SYNPR: variants seen among roughly 807,000 people sequenced by gnomAD.
SYNPR encodes the protein synaptoporin.
A neutral mutation model predicts 32.9 loss-of-function variants in SYNPR; 23 were observed. That is an observed-to-expected ratio of 0.70 (90% CI 0.50 to 0.99). The LOEUF is 0.99. SYNPR is among the 50% of genes least tolerant of loss of function. SYNPR has a pLI of 0.00. For synonymous variants in SYNPR, 146 were observed against 135.9 expected, an observed-to-expected ratio of 1.07 and a Z score of -0.52; for missense variants, 318 against 349.3, an observed-to-expected ratio of 0.91 and a Z score of 0.71.
At chr3:63,441,987 C>A (rs1286542771) in intron 2 of SYNPR, among the ~76,000 whole-genome samples, 6 of 152,196 alleles carry the variant, frequency 3.9e-5, no homozygotes, top group Non-Finnish European at 8.8e-5. Context: ...GGCCACATGA[C>A]TAGTAAGTGG....
At chr3:63,401,758 T>C (rs979240990) in intron 2 of SYNPR, among the ~76,000 whole-genome samples, 2 of 152,200 alleles carry the variant, frequency 1.3e-5, no homozygotes, top group African/African-American at 2.4e-5. Flanking sequence ...TAGTTGATTG[T>C]ACTTTTTTGC....
chr3:63,501,321 A>T (rs1001963784), intron 3 of SYNPR, among the ~76,000 whole-genome samples: 1 of 152,038 alleles, frequency 6.6e-6, no homozygotes, highest in Non-Finnish European at 1.5e-5. Flanking sequence ...TTTACAAAAA[A>T]TACAAGAATT....
intron 1 of SYNPR, among the ~76,000 whole-genome samples, chr3:63,233,349 C>T (rs1363147180): frequency 6.6e-6 from 1 of 152,160 alleles, no homozygotes; most frequent in Admixed American, 6.5e-5. Context: ...AGGTTTAAAA[C>T]AGGTGGACAG....
intron 2 of SYNPR, among the ~76,000 whole-genome samples, chr3:63,259,599 A>T (rs931343970): frequency 3.3e-5 from 5 of 152,218 alleles, no homozygotes; most frequent in African/African-American, 1.2e-4. Context: ...TATCTATGAC[A>T]AACCCACAGC....
intron 2 of SYNPR, among the ~76,000 whole-genome samples, chr3:63,440,553 T>C (rs1342137526): frequency 1.3e-5 from 2 of 152,074 alleles, no homozygotes; most frequent in African/African-American, 4.8e-5. Flanking sequence ...AGAAGGGTGG[T>C]AGCAGGGGAG....
At chr3:63,483,588 A>C (rs987977190) in intron 3 of SYNPR, among the ~76,000 whole-genome samples, 1 of 152,206 alleles carries the variant, frequency 6.6e-6, no homozygotes, top group African/African-American at 2.4e-5. Context: ...TTATTAAAAT[A>C]CACATATGAT....
chr3:63,477,710 G>A lies in SYNPR; in HGVS notation c.85-3122G>A, dbSNP rs1013573191. Among the ~76,000 whole-genome samples the A allele has an allele frequency of 1.3e-5, 2 of 151,956 alleles. 1 individual carries two copies. Among genetic ancestry groups the A allele is most frequent in the Non-Finnish European group, 2.9e-5 (2 of 68,008 alleles). ...CTCTATTTCTGGGCACGAGCAAGCC[G>A]AGCCACGTGCTGGCTCCCCACTGTC... On this transcript the variant is annotated intron_variant, in intron 2 of 5. Transcript: ENST00000478300.
At chr3:63,539,309 G>A (rs1285470803) in intron 3 of SYNPR, among the ~76,000 whole-genome samples, 1 of 152,116 alleles carries the variant, frequency 6.6e-6, no homozygotes, top group Non-Finnish European at 1.5e-5. Context: ...AATTTTTGGT[G>A]CATTTTCACA....
chr3:63,277,490 A>C (rs1395683956), upstream of SYNPR, among the ~76,000 whole-genome samples: 2 of 152,170 alleles, frequency 1.3e-5, no homozygotes, highest in Non-Finnish European at 2.9e-5. Context: ...AAGGGAGTTC[A>C]TTTGGGGGTC....
chr3:63,405,875 A>G (rs912891678), intron 2 of SYNPR, among the ~76,000 whole-genome samples: 3 of 152,210 alleles, frequency 2.0e-5, no homozygotes, highest in Non-Finnish European at 4.4e-5. Context: ...AATAGCAATA[A>G]TAACTTAGTA....
chr3:63,522,178 T>C (rs763014833), intron 3 of SYNPR, among the ~76,000 whole-genome samples: 4 of 152,186 alleles, frequency 2.6e-5, no homozygotes, highest in Non-Finnish European at 5.9e-5. Context: ...ACAGCAGAAA[T>C]GTTTGCTGCG....
chr3:63,314,188 T>G (rs2087016241), intron 2 of SYNPR, among the ~76,000 whole-genome samples: 1 of 149,432 alleles, frequency 6.7e-6, no homozygotes, highest in Non-Finnish European at 1.5e-5. Context: ...TAAACATGCT[T>G]GTGCAAGTAT....
At chr3:63,575,507 C>T (rs1392087792) in intron 4 of SYNPR, among the ~76,000 whole-genome samples, 1 of 152,158 alleles carries the variant, frequency 6.6e-6, no homozygotes, top group Non-Finnish European at 1.5e-5. Context: ...AATAACTTTT[C>T]CCAGATACGC....
intron 4 of SYNPR, among the ~76,000 whole-genome samples, chr3:63,563,896 A>T (rs1702736786): frequency 6.6e-6 from 1 of 151,946 alleles, no homozygotes; most frequent in Admixed American, 6.6e-5. Flanking sequence ...ATAAAAAAAT[A>T]AAAAATAAAA....
intron 2 of SYNPR, among the ~76,000 whole-genome samples, chr3:63,450,766 T>C (rs946671286): frequency 1.1e-4 from 16 of 152,168 alleles, no homozygotes; most frequent in African/African-American, 3.9e-4. Flanking sequence ...TCACACATGC[T>C]CCTGAGCTTG....
At chr3:63,513,155 TC>T (rs1228492274) in intron 3 of SYNPR, among the ~76,000 whole-genome samples, 4 of 65,684 alleles carry the variant, frequency 6.1e-5, no homozygotes, top group Admixed American at 1.5e-4. Context: ...TATCCCCCCC[TC>T]CCCCCCACCC....
intron 2 of SYNPR, among the ~76,000 whole-genome samples, chr3:63,310,887 A>G (rs2086956608): frequency 6.6e-6 from 1 of 151,988 alleles, no homozygotes; most frequent in Admixed American, 6.6e-5. Flanking sequence ...CTTGCTTTGG[A>G]TGCTTGGCTT....
intron 2 of SYNPR, among the ~76,000 whole-genome samples, chr3:63,430,531 C>T (rs960725106): frequency 6.6e-6 from 1 of 152,164 alleles, no homozygotes; most frequent in African/African-American, 2.4e-5. Context: ...GGAAGAAAAG[C>T]ACCTCCTAGA....
At chr3:63,222,777 A>G in the SYNPR span, among the ~76,000 whole-genome samples, 1 of 152,116 alleles carries the variant, frequency 6.6e-6, no homozygotes, top group Non-Finnish European at 1.5e-5. Context: ...TTGGCCTCTC[A>G]AAGTACTGGG....
Sources: allele counts gnomAD v4.1 joint callset (sites outside exome capture counted in the v4.1 genomes callset), GRCh38; gene constraint gnomAD v4.1.1; transcripts MANE v1.5; gene names NCBI Gene and HGNC (gene_info 2026-07-23, HGNC 2026-07-21).